SLC25A13: variants seen among roughly 807,000 people sequenced by gnomAD.
The protein encoded by SLC25A13 is electrogenic aspartate/glutamate antiporter SLC25A13, mitochondrial.
In SLC25A13, 70 loss-of-function variants were observed where a neutral mutation model predicts 85.5. That is an observed-to-expected ratio of 0.82 (90% CI 0.68 to 1.00). The LOEUF (loss-of-function observed/expected upper bound fraction) is 1.00, where lower values mean the gene tolerates loss of function less well. Among genes scored for constraint, SLC25A13 ranks in the 50% least tolerant of loss-of-function variants. The pLI is 0.00. For synonymous variants in SLC25A13, 259 were observed against 288.7 expected (o/e 0.90, Z 1.04); for missense variants, 765 against 819.8 (o/e 0.93, Z 0.82).
intron 2 of SLC25A13, among the ~76,000 whole-genome samples, chr7:96,289,269 TCAAAGAC>T (rs966325717): frequency 2.6e-4 from 39 of 152,144 alleles, no homozygotes; most frequent in African/African-American, 8.7e-4. Context: ...GTCACCATCA[TCAAAGAC>T]CAAAGGTAGA....
chr7:96,254,870 G>A (rs1037495146), intron 3 of SLC25A13, among the ~76,000 whole-genome samples: 6 of 152,084 alleles, frequency 3.9e-5, no homozygotes, highest in Admixed American at 6.5e-5. Flanking sequence ...TGAAAAGGAC[G>A]GGCATGTTAA....
intron 3 of SLC25A13, among the ~76,000 whole-genome samples, chr7:96,258,866 T>C (rs571628331): frequency 1.3e-5 from 2 of 152,066 alleles, no homozygotes; most frequent in Admixed American, 1.3e-4. Context: ...CCAAAACAGA[T>C]ATATAGACCA....
rs547220106 is a variant in SLC25A13, at chr7:96,217,911, AAC to A, written c.329-8936_329-8935del. Among the ~76,000 whole-genome samples the A allele has an allele frequency of 1.7e-3, 240 of 137,792 alleles. 2 individuals are homozygous for A. Among genetic ancestry groups the A allele is most frequent in the East Asian group, 8.6e-3 (33 of 3,852 alleles). The allele number at this position is 137,792 out of a possible 152,430, so 90.4% of individuals were successfully genotyped here. On this transcript the variant is annotated intron_variant, in intron 4 of 17. Transcript: ENST00000265631. ...AACAAAGCTTTCTCTGAAAAAAAAA[AAC>A]AAAAAACACCTAGAACTGTCAGAGA...
intron 15 of SLC25A13, among the ~76,000 whole-genome samples, chr7:96,125,334 C>T (rs949277884): frequency 2.6e-5 from 4 of 152,108 alleles, no homozygotes; most frequent in African/African-American, 4.8e-5. Flanking sequence ...TCAGGTAATC[C>T]GCCCACCTTG....
At chr7:96,159,785 T>A (rs1793437505) in intron 13 of SLC25A13, among the ~76,000 whole-genome samples, 1 of 152,200 alleles carries the variant, frequency 6.6e-6, no homozygotes, top group South Asian at 2.1e-4. Flanking sequence ...ATAAAATAAA[T>A]TCTTACTCTA....
At chr7:96,286,992 G>A (rs987489385) in intron 2 of SLC25A13, among the ~76,000 whole-genome samples, 8 of 152,192 alleles carry the variant, frequency 5.3e-5, no homozygotes, top group African/African-American at 1.7e-4. Context: ...AGAAGGCTGG[G>A]ATATTTCACA....
intron 3 of SLC25A13, among the ~76,000 whole-genome samples, chr7:96,239,167 C>A (rs955956769): frequency 6.8e-6 from 1 of 147,596 alleles, no homozygotes; most frequent in Admixed American, 6.8e-5. Context: ...TTACTGATAC[C>A]AAAAGGTATG....
At chr7:96,251,222 AGAAGAC>A (rs1408350394) in intron 3 of SLC25A13, among the ~76,000 whole-genome samples, 17 of 152,214 alleles carry the variant, frequency 1.1e-4, no homozygotes, top group African/African-American at 4.1e-4. Flanking sequence ...AGGTGCGGCA[AGAAGAC>A]CAATGTCACC....
chr7:96,228,179 G>A (rs1796389414), intron 4 of SLC25A13, among the ~76,000 whole-genome samples: 1 of 152,068 alleles, frequency 6.6e-6, no homozygotes, highest in East Asian at 1.9e-4. Flanking sequence ...TTTTTAAACA[G>A]GACACAAAAA....
intron 3 of SLC25A13, among the ~76,000 whole-genome samples, chr7:96,248,390 C>T (rs1797286918): frequency 6.6e-6 from 1 of 152,142 alleles, no homozygotes; most frequent in Non-Finnish European, 1.5e-5. Context: ...AAGCTGTCCA[C>T]AGTCAACTTA....
At chr7:96,219,880 C>A (rs1215792710) in intron 4 of SLC25A13, 2 of 394,358 alleles carry the variant, frequency 5.1e-6, no homozygotes, top group African/African-American at 2.1e-5. Context: ...AGATATTTAG[C>A]GTAAGATATT....
intron 13 of SLC25A13, among the ~76,000 whole-genome samples, chr7:96,151,798 A>C (rs968634728): frequency 4.0e-5 from 6 of 151,488 alleles, no homozygotes; most frequent in Non-Finnish European, 8.8e-5. Context: ...CAAAAAAATT[A>C]GCCGGACATG....
chr7:96,122,366 T>C (rs1006539546), intron 15 of SLC25A13, among the ~76,000 whole-genome samples: 7 of 152,164 alleles, frequency 4.6e-5, no homozygotes, highest in Non-Finnish European at 1.0e-4. Flanking sequence ...ATCAAAAACT[T>C]GCGAAGTTAT....
chr7:96,291,992 A>G (rs1237093170), intron 2 of SLC25A13, among the ~76,000 whole-genome samples: 2 of 152,182 alleles, frequency 1.3e-5, no homozygotes, highest in African/African-American at 2.4e-5. Flanking sequence ...AGCATTTTAG[A>G]CCAATATCCC....
intron 6 of SLC25A13, among the ~76,000 whole-genome samples, chr7:96,191,658 T>C (rs1244396141): frequency 6.6e-6 from 1 of 152,192 alleles, no homozygotes; most frequent in African/African-American, 2.4e-5. Context: ...AAAAACTGTA[T>C]TGTATCAATG....
chr7:96,177,689 T>C (rs1249260852), intron 11 of SLC25A13, among the ~76,000 whole-genome samples: 3 of 152,184 alleles, frequency 2.0e-5, no homozygotes, highest in Non-Finnish European at 2.9e-5. Context: ...CAGAAATGGA[T>C]TTTTGTTGTT....
intron 11 of SLC25A13, among the ~76,000 whole-genome samples, chr7:96,181,521 G>T (rs577766109): frequency 6.6e-6 from 1 of 152,204 alleles, no homozygotes; most frequent in Non-Finnish European, 1.5e-5. Context: ...ATAAGAAAAA[G>T]AGATATTTAT....
chr7:96,121,285 G>A lies in SLC25A13; in HGVS notation c.1934C>T (p.Ala645Val). The A allele has an allele frequency of 6.2e-7, 1 of 1,614,148 alleles. No homozygotes were observed. The highest frequency in any genetic ancestry group is 8.5e-7 in the Non-Finnish European group (1 of 1,180,040). ...DHVGGYKLAVATFAGIENKFG... is the reference protein window; with the variant it reads ...DHVGGYKLAVVTFAGIENKFG... Reference sequence around the variant, plus strand: ...TTTGTTTTCAATCCCTGCAAATGTAGCAACTGCCAGTTTGTAGCCCCCAAC... The same window carrying A: ...TTTGTTTTCAATCCCTGCAAATGTAACAACTGCCAGTTTGTAGCCCCCAAC... The change falls in exon 18 of 18, where the codon GCT becomes GTT. Residue 645 changes from alanine to valine, a missense_variant. Ala to Val is a moderately conservative substitution (Grantham distance 64). Coordinates refer to ENST00000265631, the MANE Select transcript of SLC25A13 (RefSeq NM_014251.3).
intron 3 of SLC25A13, among the ~76,000 whole-genome samples, chr7:96,261,554 T>A (rs1350923784): frequency 6.6e-5 from 10 of 152,178 alleles, no homozygotes; most frequent in Admixed American, 6.5e-4. Flanking sequence ...AACCTTTACA[T>A]CAGATTGCAA....
Sources: gnomAD v4.1 joint callset for allele counts (sites outside exome capture counted in the v4.1 genomes callset) on GRCh38, gnomAD v4.1.1 for gene constraint, MANE v1.5 for transcripts, NCBI Gene and HGNC (gene_info 2026-07-23, HGNC 2026-07-21) for gene names.